Variants in SPEF2 observed in about 807,000 individuals in gnomAD.
The protein encoded by SPEF2 is sperm flagella and cilia-associated protein 2.
In SPEF2, 187 loss-of-function variants were observed where a neutral mutation model predicts 224.6. The ratio of observed to expected loss-of-function variants is 0.83; its 90% CI spans 0.74 to 0.94. The LOEUF (loss-of-function observed/expected upper bound fraction) is 0.94, where lower values mean the gene tolerates loss of function less well. Ranked by LOEUF, SPEF2 falls within the 40% of genes least tolerant of loss-of-function variation. The pLI is 0.00. For synonymous variants in SPEF2, 715 were observed against 707.3 expected (o/e 1.01, Z -0.17); for missense variants, 2,170 against 2,135.6 (o/e 1.02, Z -0.32).
At chr5:35,702,250 C>T (rs1483943264) in intron 16 of SPEF2, 2 of 456,210 alleles carry the variant, frequency 4.4e-6, no homozygotes, top group Admixed American at 4.7e-5. Flanking sequence ...ACCTGAAGAA[C>T]ATCTTCACAG....
intron 31 of SPEF2, 133 bp from the exon 32 acceptor site, chr5:35,793,026 C>T: frequency 1.3e-6 from 1 of 768,192 alleles, no homozygotes; most frequent in Non-Finnish European, 2.1e-6. Context: ...AAACAAAAGT[C>T]AGAACTGATT....
chr5:35,659,337 T>A (rs942945374), intron 8 of SPEF2, 130 bp downstream of exon 8: 1 of 843,248 alleles, frequency 1.2e-6, no homozygotes, highest in African/African-American at 1.7e-5. Flanking sequence ...CAACCTGTTA[T>A]CTGCCCATTT....
chr5:35,623,103 T>A lies in SPEF2; in HGVS notation c.58+5048T>A, dbSNP rs182088968. 3.4e-3 allele frequency among the ~76,000 whole-genome samples: 521 copies of A among 152,356 alleles called. 5 individuals are homozygous for A. The highest frequency in any genetic ancestry group is 3.1e-3 in the Non-Finnish European group (208 of 68,036). Reference sequence around the variant, plus strand: ...CATGAACCATGAGGACTGCAGGGCATCTCAGTAAGAGGGTGCTAGAAATGA... The same window carrying A: ...CATGAACCATGAGGACTGCAGGGCAACTCAGTAAGAGGGTGCTAGAAATGA... On this transcript the variant is annotated intron_variant, in intron 1 of 36. Coordinates refer to ENST00000356031, the MANE Select transcript of SPEF2 (RefSeq NM_024867.4).
At chr5:35,811,969 T>A (rs1040440892) in intron 36 of SPEF2, among the ~76,000 whole-genome samples, 2 of 151,870 alleles carry the variant, frequency 1.3e-5, no homozygotes, top group South Asian at 2.1e-4. Flanking sequence ...ATATTTTTTT[T>A]ATTAGAGATG....
chr5:35,694,999 C>T lies in SPEF2; in HGVS notation c.1975+636C>T, dbSNP rs573198248. Among the ~76,000 whole-genome samples the T allele has an allele frequency of 9.9e-4, 150 of 152,236 alleles. 1 individual carries two copies. Among genetic ancestry groups the T allele is most frequent in the Admixed American group, 4.0e-3 (61 of 15,274 alleles). On this transcript the variant is annotated intron_variant, in intron 13 of 36. Transcript: ENST00000356031. ...TCTTTGTCTTATTAAATAGCTTCCT[C>T]GTATTCTAGCATGAAGCCGAGCTCC...
chr5:35,708,616 T>TCCACCACCATCACCACCA, intron 18 of SPEF2, among the ~76,000 whole-genome samples: 1 of 874 alleles, frequency 1.1e-3, no homozygotes. Context: ...CTTCACCACC[T>TCCACCACCATCACCACCA]CTACCTCCAC....
intron 32 of SPEF2, among the ~76,000 whole-genome samples, chr5:35,794,180 A>T (rs1054447414): frequency 8.5e-5 from 13 of 152,364 alleles, no homozygotes; most frequent in African/African-American, 3.1e-4. Flanking sequence ...AGTAAAAACA[A>T]AATTTCATAA....
At position 35,623,252 on chromosome 5, in the gene SPEF2, C is replaced by T. The variant is rs189104821; in HGVS notation, c.58+5197C>T. On this transcript the variant is annotated intron_variant, in intron 1 of 36. Transcript: ENST00000356031. ...TGAGTACCCAGCCGGTTTCTAGGAA[C>T]ACCACAGCCTGATAGGGCCATGCTG... is the stretch of plus-strand genomic sequence containing the variant. Among the ~76,000 whole-genome samples the T allele has an allele frequency of 1.4e-3, 214 of 152,328 alleles. 1 individual carries two copies. Among genetic ancestry groups the T allele is most frequent in the African/African-American group, 4.8e-3 (198 of 41,574 alleles).
rs764294847 is a variant in SPEF2, at chr5:35,740,056, G to T, written c.3191+10G>T. On this transcript the variant is annotated intron_variant, in intron 22 of 36. Coordinates refer to ENST00000356031, the MANE Select transcript of SPEF2 (RefSeq NM_024867.4). ...ACTTATATGAGATTAGGTAAGTAAT[G>T]TTTCCAAAGTCAGAATTTTACAGTT... 1.2e-6 allele frequency: 2 copies of T among 1,613,968 alleles called. No homozygotes were observed. The highest frequency in any genetic ancestry group is 4.5e-5 in the East Asian group (2 of 44,872).
At chr5:35,750,983 CTA>C (rs150523436) in intron 23 of SPEF2, among the ~76,000 whole-genome samples, 3 of 73,936 alleles carry the variant, frequency 4.1e-5, no homozygotes, top group Non-Finnish European at 5.4e-5. Flanking sequence ...AGAAACTGTG[CTA>C]TATATATATA....
chr5:35,804,881 A>G (rs1482417711), intron 34 of SPEF2, among the ~76,000 whole-genome samples: 2 of 152,146 alleles, frequency 1.3e-5, no homozygotes, highest in Non-Finnish European at 2.9e-5. Flanking sequence ...TACAGGTTCT[A>G]TGTTTATCTT....
chr5:35,750,370 A>G (rs774973865), intron 23 of SPEF2, among the ~76,000 whole-genome samples: 16 of 152,210 alleles, frequency 1.1e-4, no homozygotes, highest in Non-Finnish European at 2.2e-4. Context: ...ATTAAACCAA[A>G]CAACTTTTGC....
At chr5:35,644,654 C>T (rs1269505974) in intron 4 of SPEF2, 129 bp downstream of exon 4, 63 of 590,714 alleles carry the variant, frequency 1.1e-4, no homozygotes, top group Non-Finnish European at 1.1e-5. Flanking sequence ...TGACTTTGTC[C>T]TGCCCTACTC....
At chr5:35,683,893 A>G (rs1408558249) in intron 10 of SPEF2, 1 of 152,194 alleles carries the variant, frequency 6.6e-6, no homozygotes, top group Non-Finnish European at 1.5e-5. Context: ...CTGCATGTTC[A>G]TGACAGTTTA....
At chr5:35,814,373 T>C in intron 36 of SPEF2, 91 bp from the exon 37 acceptor site, 1 of 609,026 alleles carries the variant, frequency 1.6e-6, no homozygotes, top group Non-Finnish European at 2.6e-6. Flanking sequence ...GGTTGCCATG[T>C]ACTATGTGAT....
chr5:35,707,308 A>G (rs1440162987), intron 18 of SPEF2, among the ~76,000 whole-genome samples: 1 of 152,224 alleles, frequency 6.6e-6, no homozygotes, highest in East Asian at 1.9e-4. Context: ...GTCTGGCAGC[A>G]TATATATACT....
intron 6 of SPEF2, among the ~76,000 whole-genome samples, chr5:35,650,481 A>T (rs933479930): frequency 2.6e-5 from 4 of 152,078 alleles, no homozygotes; most frequent in Non-Finnish European, 1.5e-5. Context: ...TCTTTCACCC[A>T]TCTCTCTAAC....
chr5:35,776,800 T>G (rs1210783810), intron 29 of SPEF2, among the ~76,000 whole-genome samples: 1 of 152,218 alleles, frequency 6.6e-6, no homozygotes, highest in Non-Finnish European at 1.5e-5. Context: ...AGTCATTCAC[T>G]GGAATGTTTT....
chr5:35,770,953 C>T (rs1015707546), intron 26 of SPEF2, among the ~76,000 whole-genome samples: 3 of 152,098 alleles, frequency 2.0e-5, no homozygotes, highest in African/African-American at 4.8e-5. Context: ...AATACTCAGT[C>T]TTTTGGGGGT....
Sources: gnomAD v4.1 joint callset for allele counts (sites outside exome capture counted in the v4.1 genomes callset) on GRCh38, gnomAD v4.1.1 for gene constraint, MANE v1.5 for transcripts, NCBI Gene and HGNC (gene_info 2026-07-23, HGNC 2026-07-21) for gene names.